Variants in ZFYVE9 observed in about 807,000 individuals in gnomAD.
ZFYVE9 encodes zinc finger FYVE domain-containing protein 9.
ZFYVE9 carries 43 observed loss-of-function variants against 126.7 expected under a neutral mutation model. That is an observed-to-expected ratio of 0.34 (90% CI 0.27 to 0.44). The LOEUF (loss-of-function observed/expected upper bound fraction) is 0.44. Among genes scored for constraint, ZFYVE9 ranks in the 20% least tolerant of loss-of-function variants. The probability of loss-of-function intolerance (pLI) is 1.00; values close to 1 mark genes in which losing one functional copy is unlikely to be tolerated. For missense variants in ZFYVE9, 1,476 were observed against 1,697.0 expected, an observed-to-expected ratio of 0.87 and a Z score of 2.29; for synonymous variants, 521 against 597.4, an observed-to-expected ratio of 0.87 and a Z score of 1.87.
intron 4 of ZFYVE9, among the ~76,000 whole-genome samples, chr1:52,244,515 T>C (rs1444092999): frequency 6.6e-6 from 1 of 152,104 alleles, no homozygotes; most frequent in African/African-American, 2.4e-5. Flanking sequence ...ATATAGAAAA[T>C]ATAAACATTG....
chr1:52,262,002 A>G (rs1260549855), intron 4 of ZFYVE9, among the ~76,000 whole-genome samples: 1 of 152,210 alleles, frequency 6.6e-6, no homozygotes, highest in Admixed American at 6.5e-5. Context: ...TGACCCTGGT[A>G]ATTTTACTTA....
intron 1 of ZFYVE9, among the ~76,000 whole-genome samples, chr1:52,164,720 C>T (rs979637700): frequency 1.3e-5 from 2 of 152,182 alleles, no homozygotes; most frequent in African/African-American, 4.8e-5. Flanking sequence ...GGCATTGAGG[C>T]AGAAAAGGAA....
At chr1:52,225,403 A>G (rs1189040030) in intron 2 of ZFYVE9, among the ~76,000 whole-genome samples, 1 of 152,216 alleles carries the variant, frequency 6.6e-6, no homozygotes, top group Non-Finnish European at 1.5e-5. Context: ...TAGTGAAAAG[A>G]AACCCGCATT....
At chr1:52,177,224 A>T (rs990145264) in intron 1 of ZFYVE9, among the ~76,000 whole-genome samples, 1 of 148,692 alleles carries the variant, frequency 6.7e-6, no homozygotes, top group African/African-American at 2.5e-5. Context: ...ATCTCAGCTC[A>T]CTGCAACCTC....
intron 7 of ZFYVE9, among the ~76,000 whole-genome samples, chr1:52,270,441 T>C (rs1325342139): frequency 1.3e-5 from 2 of 152,060 alleles, no homozygotes; most frequent in Non-Finnish European, 2.9e-5. Flanking sequence ...TTTTTATGTA[T>C]TTTTAGTAGA....
chr1:52,222,976 C>T (rs1045233113), intron 2 of ZFYVE9, among the ~76,000 whole-genome samples: 8 of 152,138 alleles, frequency 5.3e-5, no homozygotes, highest in Non-Finnish European at 1.0e-4. Flanking sequence ...TGAATCCTTC[C>T]CCTATAAACC....
intron 1 of ZFYVE9, among the ~76,000 whole-genome samples, chr1:52,149,200 G>A (rs1292356279): frequency 6.6e-6 from 1 of 151,012 alleles, no homozygotes; most frequent in Non-Finnish European, 1.5e-5. Flanking sequence ...GTAGAATGAA[G>A]GTCTAAAACT....
chr1:52,303,763 A>T (rs1646056537), intron 12 of ZFYVE9, 58 bp from the exon 13 acceptor site: 2 of 1,099,610 alleles, frequency 1.8e-6, no homozygotes, highest in African/African-American at 1.6e-5. Flanking sequence ...TTATTACTAT[A>T]AATTAAACCC....
chr1:52,259,884 A>G lies in ZFYVE9; in HGVS notation c.2179-3889A>G, dbSNP rs139910152. ...TTCTTTTCCATGTCAATCGGTACATACAGAACTATTTCATTCTTTTTATGG... is the reference window on the plus strand; with the variant it reads ...TTCTTTTCCATGTCAATCGGTACATGCAGAACTATTTCATTCTTTTTATGG... On this transcript the variant is annotated intron_variant, in intron 4 of 18. Coordinates refer to ENST00000287727, the MANE Select transcript of ZFYVE9 (RefSeq NM_004799.4). Among the ~76,000 whole-genome samples, 923 of 152,302 alleles carry G rather than the reference A, an allele frequency of 6.1e-3. 4 individuals carry two copies. The highest frequency in any genetic ancestry group is 0.01 in the Middle Eastern group (3 of 294).
At chr1:52,336,886 G>C (rs1200366589) in intron 15 of ZFYVE9, among the ~76,000 whole-genome samples, 1 of 147,766 alleles carries the variant, frequency 6.8e-6, no homozygotes, top group Non-Finnish European at 1.5e-5. Flanking sequence ...GCTTGAGGCT[G>C]CAGTGCATTA....
chr1:52,308,874 C>T (rs1002823695), intron 13 of ZFYVE9, among the ~76,000 whole-genome samples: 2 of 152,204 alleles, frequency 1.3e-5, no homozygotes, highest in Non-Finnish European at 2.9e-5. Context: ...CCACAGGTAT[C>T]ATCAGCAAAC....
intron 10 of ZFYVE9, among the ~76,000 whole-genome samples, chr1:52,287,545 G>A (rs1645874046): frequency 6.6e-6 from 1 of 152,014 alleles, no homozygotes; most frequent in Admixed American, 6.6e-5. Flanking sequence ...AGGCCATGAG[G>A]GCTTCACCCT....
At chr1:52,223,965 C>G (rs1234165028) in intron 2 of ZFYVE9, among the ~76,000 whole-genome samples, 2 of 152,172 alleles carry the variant, frequency 1.3e-5, no homozygotes, top group Admixed American at 6.5e-5. Flanking sequence ...AGTTGTGGCT[C>G]CAGAGACTGT....
At chr1:52,285,356 G>A (rs1407317089) in intron 10 of ZFYVE9, among the ~76,000 whole-genome samples, 1 of 152,156 alleles carries the variant, frequency 6.6e-6, no homozygotes, top group African/African-American at 2.4e-5. Context: ...CACAGGCCAT[G>A]GACTGGTATT....
intron 15 of ZFYVE9, among the ~76,000 whole-genome samples, chr1:52,337,315 G>A (rs891337028): frequency 2.0e-5 from 3 of 152,130 alleles, no homozygotes; most frequent in Admixed American, 6.5e-5. Flanking sequence ...TCAATAAATG[G>A]ATTTATCTCC....
At chr1:52,215,277 T>C (rs897010540) in intron 1 of ZFYVE9, among the ~76,000 whole-genome samples, 11 of 152,328 alleles carry the variant, frequency 7.2e-5, no homozygotes, top group African/African-American at 2.6e-4. Flanking sequence ...TAGATATAAA[T>C]CTGTTTCTTA....
chr1:52,169,170 G>A (rs568860535), intron 1 of ZFYVE9, among the ~76,000 whole-genome samples: 51 of 152,302 alleles, frequency 3.3e-4, no homozygotes, highest in African/African-American at 1.2e-3. Flanking sequence ...GGAGGCAGAG[G>A]CGGGTAGATT....
intron 13 of ZFYVE9, among the ~76,000 whole-genome samples, chr1:52,331,692 CA>C (rs1244181558): frequency 6.8e-6 from 1 of 147,528 alleles, no homozygotes; most frequent in African/African-American, 2.5e-5. Context: ...GCGGAGGTTG[CA>C]GTGAGCCAAG....
chr1:52,259,586 G>A (rs1051250790), intron 4 of ZFYVE9, among the ~76,000 whole-genome samples: 6 of 147,522 alleles, frequency 4.1e-5, no homozygotes, highest in African/African-American at 1.5e-4. Context: ...TCAGAAGTTC[G>A]AGACCAGCCT....
Sources: gnomAD v4.1 joint callset for allele counts (sites outside exome capture counted in the v4.1 genomes callset) on GRCh38, gnomAD v4.1.1 for gene constraint, MANE v1.5 for transcripts, NCBI Gene and HGNC (gene_info 2026-07-23, HGNC 2026-07-21) for gene names.